ZSCAN25: variants seen among roughly 807,000 people sequenced by gnomAD.
The protein encoded by ZSCAN25 is zinc finger and SCAN domain containing 25, also known as zinc finger and SCAN domain-containing protein 25.
In ZSCAN25, 27 loss-of-function variants were observed where a neutral mutation model predicts 38.7. The observed-to-expected ratio is 0.70, with a 90% CI of 0.51 to 0.96. The LOEUF (loss-of-function observed/expected upper bound fraction) is 0.96. Among genes scored for constraint, ZSCAN25 ranks in the 40% least tolerant of loss-of-function variants. ZSCAN25 has a pLI of 0.00. For synonymous variants in ZSCAN25, 273 were observed against 277.7 expected, an observed-to-expected ratio of 0.98 and a Z score of 0.17; for missense variants, 637 against 705.9, an observed-to-expected ratio of 0.90 and a Z score of 1.11.
chr7:99,639,939 C>T, the ZSCAN25 span, among the ~76,000 whole-genome samples: 4 of 152,138 alleles, frequency 2.6e-5, no homozygotes, highest in East Asian at 3.9e-4. Context: ...TAGTGGCATG[C>T]GTCTGTAGTC....
chr7:99,677,217 G>A, the ZSCAN25 span: 42 of 985,364 alleles, frequency 4.3e-5, no homozygotes, highest in East Asian at 3.4e-4. Flanking sequence ...TTCCCCCTCC[G>A]GTGTGACTGA....
the ZSCAN25 span, chr7:99,679,927 G>T: frequency 6.2e-7 from 1 of 1,601,746 alleles, no homozygotes; most frequent in Non-Finnish European, 8.6e-7. Flanking sequence ...TGTGTTCTGT[G>T]AGTCTTCCTT....
At chr7:99,695,286 T>G in the ZSCAN25 span, among the ~76,000 whole-genome samples, 1 of 152,132 alleles carries the variant, frequency 6.6e-6, no homozygotes, top group African/African-American at 2.4e-5. Context: ...TAAAGTGAGT[T>G]TCAAAGCTGT....
the ZSCAN25 span, chr7:99,663,591 T>C: frequency 1.0e-6 from 1 of 997,154 alleles, no homozygotes; most frequent in Non-Finnish European, 1.2e-6. Flanking sequence ...AATAAGAGTC[T>C]TGGACTTAAA....
the ZSCAN25 span, among the ~76,000 whole-genome samples, chr7:99,653,826 G>A: frequency 1.3e-5 from 2 of 152,220 alleles, no homozygotes; most frequent in African/African-American, 4.8e-5. The surrounding 1 kb of genome is among the most constrained non-coding windows in gnomAD (Gnocchi z 4.2). Flanking sequence ...TTATATTTGG[G>A]AGGCAGTATT....
At chr7:99,640,939 C>A in the ZSCAN25 span, among the ~76,000 whole-genome samples, 4 of 152,166 alleles carry the variant, frequency 2.6e-5, no homozygotes, top group African/African-American at 7.2e-5. Flanking sequence ...CTGCCACATA[C>A]ACTAGCCGTA....
intron 3 of ZSCAN25, 59 bp downstream of exon 3, chr7:99,619,191 G>A (rs1239485230): frequency 6.4e-6 from 1 of 156,732 alleles, no homozygotes; most frequent in Non-Finnish European, 1.4e-5. Flanking sequence ...TGCCTCTTGT[G>A]TGTGTATATG....
chr7:99,644,431 G>A, the ZSCAN25 span, among the ~76,000 whole-genome samples: 1 of 152,136 alleles, frequency 6.6e-6, no homozygotes, highest in Non-Finnish European at 1.5e-5. Flanking sequence ...GAGCCTTGAA[G>A]GACAAGTGGA....
Position 99,631,707 on chromosome 7 carries a change from T to G in ZSCAN25, c.*1687T>G. ...ACTCAGCCCACTTTGAAACGTGGTT[T>G]TATCACCTGTTCTTGTTAGGCAGCA... On this transcript the variant is annotated 3_prime_UTR_variant, in exon 8 of 8. Coordinates refer to ENST00000394152, the MANE Select transcript of ZSCAN25 (RefSeq NM_145115.3). 2 of 985,460 alleles carry G rather than the reference T, an allele frequency of 2.0e-6. No individual in the cohort carries two copies. Among genetic ancestry groups the G allele is most frequent in the Non-Finnish European group, 2.4e-6 (2 of 829,942 alleles). The allele number at this position is 985,460 out of a possible 1,614,324, so 61.0% of individuals were successfully genotyped here.
rs185859003 is a variant in ZSCAN25, at chr7:99,630,193, C to T, written c.*173C>T. The T allele has an allele frequency of 1.9e-4, 259 of 1,389,810 alleles. 1 individual carries two copies. The highest frequency in any genetic ancestry group is 4.5e-5 in the Non-Finnish European group (48 of 1,077,818). The allele number at this position is 1,389,810 out of a possible 1,614,324, so 86.1% of individuals were successfully genotyped here. A position where few individuals can be genotyped will look rare whatever the true frequency, so the allele number is the denominator to read the frequency against. ...AGCTTCCAGAGAGCATAGCTGCTTCCATCTCTTACCCAAGTGGTGCTAAAC... is the reference window on the plus strand; with the variant it reads ...AGCTTCCAGAGAGCATAGCTGCTTCTATCTCTTACCCAAGTGGTGCTAAAC... On this transcript the variant is annotated 3_prime_UTR_variant, in exon 8 of 8. Transcript: ENST00000394152.
chr7:99,691,367 A>G, the ZSCAN25 span, among the ~76,000 whole-genome samples: 14 of 152,210 alleles, frequency 9.2e-5, no homozygotes, highest in Admixed American at 9.2e-4. Flanking sequence ...TGGGTGTGGC[A>G]CACCAACATG....
chr7:99,650,464 G>T, the ZSCAN25 span, among the ~76,000 whole-genome samples: 19 of 152,054 alleles, frequency 1.2e-4, no homozygotes, highest in Non-Finnish European at 2.1e-4. Flanking sequence ...GAGATGAGAT[G>T]AATATTGTTG....
chr7:99,729,036 G>A, the ZSCAN25 span, among the ~76,000 whole-genome samples: 12,237 of 152,098 alleles, frequency 0.08, 606 homozygotes, highest in African/African-American at 0.13. Flanking sequence ...CCTGGTATAT[G>A]ACAATATAAA....
chr7:99,676,043 G>A, the ZSCAN25 span: 1,809 of 1,328,360 alleles, frequency 1.4e-3, 2 homozygotes, highest in Non-Finnish European at 1.9e-3. Flanking sequence ...CCAAGGAGGG[G>A]CATTTTTACT....
chr7:99,734,976 C>T, the ZSCAN25 span: 23 of 1,613,262 alleles, frequency 1.4e-5, no homozygotes, highest in East Asian at 1.1e-4. Flanking sequence ...CTGATTAGCA[C>T]CCCAAGTCCA....
chr7:99,653,796 T>C, the ZSCAN25 span, among the ~76,000 whole-genome samples: 1 of 152,202 alleles, frequency 6.6e-6, no homozygotes, highest in Non-Finnish European at 1.5e-5. The surrounding 1 kb of genome is among the most constrained non-coding windows in gnomAD (Gnocchi z 4.2). Flanking sequence ...CTGTGGATGA[T>C]ATGTACCTAG....
chr7:99,716,367 A>G, the ZSCAN25 span, among the ~76,000 whole-genome samples: 6 of 152,314 alleles, frequency 3.9e-5, no homozygotes, highest in African/African-American at 1.4e-4. Flanking sequence ...AAGCAACAGT[A>G]CCATGTCCTG....
At chr7:99,655,077 G>C in the ZSCAN25 span, among the ~76,000 whole-genome samples, 28 of 152,150 alleles carry the variant, frequency 1.8e-4, no homozygotes, top group African/African-American at 6.8e-4. Flanking sequence ...AAGCTCTTTA[G>C]TTTCATTAGA....
At chr7:99,736,886 T>C in the ZSCAN25 span, among the ~76,000 whole-genome samples, 5 of 152,150 alleles carry the variant, frequency 3.3e-5, 1 homozygote, top group Admixed American at 3.3e-4. Context: ...GGGAGCCACA[T>C]GTTCCTTGGG....
Sources: allele counts gnomAD v4.1 joint callset (sites outside exome capture counted in the v4.1 genomes callset), GRCh38; gene constraint gnomAD v4.1.1; non-coding constraint Gnocchi (gnomAD v3.1); transcripts MANE v1.5; gene names NCBI Gene and HGNC (gene_info 2026-07-23, HGNC 2026-07-21).